The following ALDH18A1 variants were observed in gnomAD, a reference collection of about 807,000 sequenced individuals.
ALDH18A1 encodes the protein delta-1-pyrroline-5-carboxylate synthase.
Under a neutral mutation model 88.8 loss-of-function variants are expected in ALDH18A1, and 44 were observed. That is an observed-to-expected ratio of 0.50 (90% CI 0.39 to 0.64). The LOEUF (loss-of-function observed/expected upper bound fraction) is 0.64, where lower values mean the gene tolerates loss of function less well. ALDH18A1 is among the 30% of genes least tolerant of loss of function. The pLI is 0.00. For missense variants in ALDH18A1, 782 were observed against 1,009.5 expected (o/e 0.77, Z 3.05); for synonymous variants, 331 against 372.1 (o/e 0.89, Z 1.27).
At chr10:95,611,184 G>A in intron 16 of ALDH18A1, 72 bp downstream of exon 16, 3 of 1,570,814 alleles carry the variant, frequency 1.9e-6, no homozygotes, top group Admixed American at 1.7e-5. Context: ...GCAGCCCAAG[G>A]GGGGCTAAGA....
chr10:95,609,647 T>C (rs2097829364), intron 17 of ALDH18A1, among the ~76,000 whole-genome samples: 1 of 152,076 alleles, frequency 6.6e-6, no homozygotes. Flanking sequence ...CTTTGAAAAA[T>C]GAATACAAGT....
intron 3 of ALDH18A1, among the ~76,000 whole-genome samples, chr10:95,640,104 T>C (rs957543231): frequency 2.0e-5 from 3 of 152,170 alleles, no homozygotes; most frequent in African/African-American, 7.2e-5. Context: ...TCCTTCGTCA[T>C]TTATAATCTG....
rs147348068 is a variant in ALDH18A1 at position 95,625,371 on chromosome 10, C to T, written c.1237G>A (p.Glu413Lys). 3.0e-5 allele frequency: 48 copies of T among 1,614,090 alleles called. No individual in the cohort carries two copies. Among genetic ancestry groups the T allele is most frequent in the Middle Eastern group, 3.3e-4 (2 of 6,060 alleles). ...ATTGCCTGGTCTTTACCCTCTGCCTCCTCCAAGTCTTTTTTGTTGGCTAAC... is the reference window on the plus strand; with the variant it reads ...ATTGCCTGGTCTTTACCCTCTGCCTTCTCCAAGTCTTTTTTGTTGGCTAAC... ...ILLANKKDLE[E>K]AEGRLAAPLL... The change falls in exon 11 of 18, where the codon GAG (glutamate) becomes AAG (lysine). Residue 413 changes from glutamate (E) to lysine (K), a missense_variant. Coordinates refer to ENST00000371224, the MANE Select transcript of ALDH18A1 (RefSeq NM_002860.4).
intron 2 of ALDH18A1, among the ~76,000 whole-genome samples, chr10:95,650,268 C>A (rs905103175): frequency 3.3e-5 from 5 of 151,984 alleles, no homozygotes; most frequent in African/African-American, 1.2e-4. Flanking sequence ...TATGAAAGAC[C>A]CTCTTAAGAG....
At chr10:95,630,770 C>T (rs188416553) in intron 7 of ALDH18A1, among the ~76,000 whole-genome samples, 79 of 152,232 alleles carry the variant, frequency 5.2e-4, no homozygotes, top group Non-Finnish European at 9.1e-4. Flanking sequence ...TGCCTTTTTT[C>T]TCCAGGGTGG....
intron 13 of ALDH18A1, among the ~76,000 whole-genome samples, chr10:95,615,055 G>T (rs765487234): frequency 6.6e-6 from 1 of 152,172 alleles, no homozygotes; most frequent in Non-Finnish European, 1.5e-5. Context: ...AAAAGGCAGG[G>T]CGTGGTGGCA....
chr10:95,650,890 T>C (rs2097909364), intron 2 of ALDH18A1, among the ~76,000 whole-genome samples: 1 of 151,920 alleles, frequency 6.6e-6, no homozygotes, highest in Non-Finnish European at 1.5e-5. Context: ...TCCCAGGACT[T>C]TGGGAGGCTG....
chr10:95,651,070 T>A (rs925058546), intron 2 of ALDH18A1, among the ~76,000 whole-genome samples: 3 of 151,368 alleles, frequency 2.0e-5, no homozygotes, highest in Non-Finnish European at 4.4e-5. Context: ...GAGGCAGAGG[T>A]TGCAGTGAGC....
chr10:95,618,059 T>C (rs756762104), intron 12 of ALDH18A1, among the ~76,000 whole-genome samples: 9 of 152,264 alleles, frequency 5.9e-5, no homozygotes, highest in Admixed American at 2.0e-4. Flanking sequence ...CTATGTCTTA[T>C]AGTAAAGAGG....
chr10:95,654,259 G>C (rs1413330618), intron 1 of ALDH18A1, among the ~76,000 whole-genome samples: 3 of 151,426 alleles, frequency 2.0e-5, no homozygotes. Context: ...CTGTCTCCCG[G>C]GTTCAAGTGA....
At chr10:95,654,747 T>C (rs2097915338) in intron 1 of ALDH18A1, among the ~76,000 whole-genome samples, 1 of 151,416 alleles carries the variant, frequency 6.6e-6, no homozygotes. Context: ...GTTATTTCAA[T>C]TTTTTCATAA....
At chr10:95,609,441 C>T (rs531122528) in intron 17 of ALDH18A1, among the ~76,000 whole-genome samples, 68 of 152,288 alleles carry the variant, frequency 4.5e-4, no homozygotes, top group Middle Eastern at 3.4e-3. Context: ...GCCATTTTGA[C>T]GAAATAAGTC....
rs1325214365 is a variant in ALDH18A1, at chr10:95,606,198, A to G, written c.*564T>C. Reference sequence around the variant, plus strand: ...ATGCAGGAAGCTGCAAGCATCTGGAATGCTTATTAATTTACCCCACAAATA... The same window carrying G: ...ATGCAGGAAGCTGCAAGCATCTGGAGTGCTTATTAATTTACCCCACAAATA... On this transcript the variant is annotated 3_prime_UTR_variant, in exon 18 of 18. Coordinates refer to ENST00000371224, the MANE Select transcript of ALDH18A1 (RefSeq NM_002860.4). 2.5e-5 allele frequency: 24 copies of G among 966,724 alleles called. No individual in the cohort carries two copies. Among genetic ancestry groups the G allele is most frequent in the Non-Finnish European group, 3.0e-5 (24 of 810,060 alleles). The allele number at this position is 966,724 out of a possible 1,614,324, so 59.9% of individuals were successfully genotyped here.
Position 95,616,609 on chromosome 10 carries a change from T to C in ALDH18A1, c.1473A>G (p.Ala491=), listed in dbSNP as rs1374293487. The C allele has an allele frequency of 6.2e-7, 1 of 1,606,450 alleles. No homozygotes were observed. Among genetic ancestry groups the C allele is most frequent in the Non-Finnish European group, 8.5e-7 (1 of 1,176,524 alleles). ...CATTGCCACTTGCGATAGCCAAAGC[T>C]GCCACCTGCAGATCAAAGGGAGAGC... ...ESRPDCLPQV[A]ALAIASGNGL... is the part of the protein sequence containing the mutation. The change falls in exon 13 of 18, where the codon GCA becomes GCG. Residue 491 remains alanine, a synonymous_variant. Transcript: ENST00000371224.
intron 3 of ALDH18A1, among the ~76,000 whole-genome samples, chr10:95,642,312 C>A (rs115760902): frequency 6.6e-6 from 1 of 152,078 alleles, no homozygotes; most frequent in Non-Finnish European, 1.5e-5. Flanking sequence ...ATATAACCTA[C>A]GAAACTAAAA....
chr10:95,643,312 C>A, intron 2 of ALDH18A1, 106 bp from the exon 3 acceptor site: 1 of 1,078,610 alleles, frequency 9.3e-7, no homozygotes, highest in Non-Finnish European at 1.4e-6. Flanking sequence ...CAAAAAATAG[C>A]ATTATCATTA....
At chr10:95,655,131 ATTAT>A (rs1250786262) in intron 1 of ALDH18A1, among the ~76,000 whole-genome samples, 4 of 74,280 alleles carry the variant, frequency 5.4e-5, no homozygotes, top group African/African-American at 7.5e-5. Flanking sequence ...ATTTTTCTTT[ATTAT>A]TATTATTATT....
chr10:95,618,721 G>C (rs1444911343), intron 12 of ALDH18A1, among the ~76,000 whole-genome samples: 1 of 152,166 alleles, frequency 6.6e-6, no homozygotes, highest in African/African-American at 2.4e-5. Context: ...CTTTTCACAT[G>C]GGCCAAGCCA....
At chr10:95,606,976 T>C (rs1037188823) in intron 17 of ALDH18A1, 33 bp from the exon 18 acceptor site, 1 of 1,610,586 alleles carries the variant, frequency 6.2e-7, no homozygotes, top group East Asian at 2.2e-5. Context: ...GATGTAGCTT[T>C]TCCCAGCCTC....
Sources: allele counts gnomAD v4.1 joint callset (sites outside exome capture counted in the v4.1 genomes callset), GRCh38; gene constraint gnomAD v4.1.1; transcripts MANE v1.5; gene names NCBI Gene and HGNC (gene_info 2026-07-23, HGNC 2026-07-21).